Variants in ASTN1 observed in about 807,000 individuals in gnomAD.
ASTN1 encodes astrotactin-1.
A neutral mutation model predicts 140.7 loss-of-function variants in ASTN1; 41 were observed. The observed-to-expected ratio is 0.29, with a 90% CI of 0.23 to 0.38. The LOEUF (loss-of-function observed/expected upper bound fraction) is 0.38, where lower values mean the gene tolerates loss of function less well. Ranked by LOEUF, ASTN1 falls within the 10% of genes least tolerant of loss-of-function variation. ASTN1 has a pLI of 1.00. For synonymous variants in ASTN1, 640 were observed against 652.2 expected (o/e 0.98, Z 0.29); for missense variants, 1,479 against 1,678.8 (o/e 0.88, Z 2.08).
intron 1 of ASTN1, among the ~76,000 whole-genome samples, chr1:177,090,637 C>G (rs1679704652): frequency 6.6e-6 from 1 of 152,142 alleles, no homozygotes; most frequent in African/African-American, 2.4e-5. Flanking sequence ...GCTAACATAG[C>G]TCAGCTGACT....
At chr1:176,936,453 C>T (rs1359796286) in intron 14 of ASTN1, 83 bp from the exon 15 acceptor site, 9 of 1,053,944 alleles carry the variant, frequency 8.5e-6, no homozygotes, top group East Asian at 7.2e-5. Flanking sequence ...CTCTATGAGG[C>T]GAAGTGTTGT....
chr1:177,041,250 T>A (rs111575660), intron 2 of ASTN1, among the ~76,000 whole-genome samples: 1 of 152,330 alleles, frequency 6.6e-6, no homozygotes, highest in African/African-American at 2.4e-5. Flanking sequence ...TCCCTCTGGA[T>A]GTAGACGTAA....
At chr1:177,002,322 G>A (rs1428474762) in intron 8 of ASTN1, among the ~76,000 whole-genome samples, 2 of 151,882 alleles carry the variant, frequency 1.3e-5, no homozygotes, top group African/African-American at 4.8e-5. Flanking sequence ...CACTAACTGT[G>A]ATTCTGGTCA....
chr1:177,073,756 A>G (rs1043086208), intron 1 of ASTN1, among the ~76,000 whole-genome samples: 5 of 151,600 alleles, frequency 3.3e-5, no homozygotes, highest in Admixed American at 3.3e-4. Flanking sequence ...AATCTGAGGC[A>G]AGGCTCTTGC....
chr1:177,120,824 G>A (rs921171554), intron 1 of ASTN1, among the ~76,000 whole-genome samples: 4 of 152,276 alleles, frequency 2.6e-5, no homozygotes, highest in South Asian at 2.1e-4. Flanking sequence ...CTAACTGGAC[G>A]ATGTGCTGAA....
intron 2 of ASTN1, among the ~76,000 whole-genome samples, chr1:177,035,299 G>A (rs1396032850): frequency 2.0e-5 from 3 of 152,106 alleles, no homozygotes; most frequent in Non-Finnish European, 2.9e-5. Flanking sequence ...TCACTGGAGA[G>A]ACATCTACAC....
chr1:177,100,375 G>C (rs1680242950), intron 1 of ASTN1, among the ~76,000 whole-genome samples: 1 of 152,006 alleles, frequency 6.6e-6, no homozygotes, highest in Non-Finnish European at 1.5e-5. Flanking sequence ...AAACATTTAA[G>C]ACAAGTGACA....
chr1:176,867,604 A>T (rs1206215089), intron 22 of ASTN1, among the ~76,000 whole-genome samples: 1 of 152,200 alleles, frequency 6.6e-6, no homozygotes, highest in Admixed American at 6.5e-5. Flanking sequence ...ATCACCCTTT[A>T]TAAACAGGAA....
chr1:176,866,282 T>C (rs1668125559), intron 22 of ASTN1, among the ~76,000 whole-genome samples: 1 of 152,132 alleles, frequency 6.6e-6, no homozygotes. Context: ...AGTGAGGTCA[T>C]GGGAGGGATA....
chr1:177,132,481 A>G lies in ASTN1; in HGVS notation c.283+31913T>C, dbSNP rs574518617. ...TTTTGCATGCCCTTTCCTGAACCCA[A>G]TATCTCCTAAGCCCACTCATCAGGA... is the stretch of plus-strand genomic sequence containing the variant. On this transcript the variant is annotated intron_variant, in intron 1 of 22. Coordinates refer to ENST00000361833, the MANE Select transcript of ASTN1 (RefSeq NM_004319.3). Among the ~76,000 whole-genome samples, 11 of 152,254 alleles carry G rather than the reference A, an allele frequency of 7.2e-5. 1 individual carries two copies. The East Asian group carries it at 1.7e-3, about 24-fold the overall frequency.
chr1:177,099,885 A>G (rs775832871), intron 1 of ASTN1, among the ~76,000 whole-genome samples: 13 of 152,214 alleles, frequency 8.5e-5, no homozygotes, highest in Non-Finnish European at 1.6e-4. Context: ...TAAAAGGAAA[A>G]TTTGATTATA....
intron 16 of ASTN1, among the ~76,000 whole-genome samples, chr1:176,917,763 A>C (rs557325074): frequency 6.6e-6 from 1 of 152,180 alleles, no homozygotes; most frequent in South Asian, 2.1e-4. Flanking sequence ...CACATCTGGG[A>C]CAGCACACTC....
intron 2 of ASTN1, among the ~76,000 whole-genome samples, chr1:177,044,190 CACACACACACACAT>C (rs1677106498): frequency 1.3e-5 from 2 of 151,316 alleles, no homozygotes; most frequent in South Asian, 4.2e-4. Flanking sequence ...CACACACACA[CACACACACACACAT>C]ACACACACAC....
intron 8 of ASTN1, among the ~76,000 whole-genome samples, chr1:177,011,006 G>C (rs1235136001): frequency 2.6e-5 from 4 of 152,078 alleles, no homozygotes; most frequent in African/African-American, 9.7e-5. Context: ...TCTAGTATGG[G>C]AGCTTTAATG....
intron 16 of ASTN1, among the ~76,000 whole-genome samples, chr1:176,910,146 T>C (rs1263986647): frequency 2.0e-5 from 3 of 152,200 alleles, no homozygotes; most frequent in Non-Finnish European, 4.4e-5. Flanking sequence ...CACTGCTATA[T>C]TTCCAAATTT....
chr1:176,924,837 A>G (rs1038899476), intron 16 of ASTN1, among the ~76,000 whole-genome samples: 2 of 152,198 alleles, frequency 1.3e-5, no homozygotes, highest in South Asian at 2.1e-4. Flanking sequence ...GAATTTTCCC[A>G]TCAACCAAAA....
intron 18 of ASTN1, among the ~76,000 whole-genome samples, chr1:176,886,932 C>T (rs1431154695): frequency 1.3e-5 from 2 of 152,208 alleles, no homozygotes; most frequent in Non-Finnish European, 2.9e-5. Context: ...AGTCCCATGG[C>T]AGATGCCATA....
Position 176,927,920 on chromosome 1 carries a change from C to T in ASTN1, c.2671+6232G>A, listed in dbSNP as rs149752135. ...AAAAGCAATTTGGAAGTTTTCAGTC[C>T]AAAAAATAAAAGTCCCTCATCCATA... On this transcript the variant is annotated intron_variant, in intron 16 of 22. Transcript: ENST00000361833. Among the ~76,000 whole-genome samples, 541 of 151,924 alleles carry T rather than the reference C, an allele frequency of 3.6e-3. 3 individuals carry two copies. The highest frequency in any genetic ancestry group is 0.012 in the African/African-American group (517 of 41,436).
At chr1:177,007,595 G>A (rs545623915) in intron 8 of ASTN1, among the ~76,000 whole-genome samples, 2 of 152,262 alleles carry the variant, frequency 1.3e-5, no homozygotes, top group Admixed American at 6.5e-5. Context: ...CAAATGTACA[G>A]ATTCTGGGCC....
Sources: gnomAD v4.1 joint callset for allele counts (sites outside exome capture counted in the v4.1 genomes callset) on GRCh38, gnomAD v4.1.1 for gene constraint, MANE v1.5 for transcripts, NCBI Gene and HGNC (gene_info 2026-07-23, HGNC 2026-07-21) for gene names.